FREM1: variants seen among roughly 807,000 people sequenced by gnomAD.
The protein encoded by FREM1 is FRAS1-related extracellular matrix protein 1.
Under a neutral mutation model 210.1 loss-of-function variants are expected in FREM1, and 220 were observed. The ratio of observed to expected loss-of-function variants is 1.05; its 90% confidence interval spans 0.94 to 1.17. FREM1 has a LOEUF of 1.17. Ranked by LOEUF, FREM1 falls within the 50% of genes most tolerant of loss-of-function variation. The pLI is 0.00. For missense variants in FREM1, 3,454 were observed against 2,675.5 expected (o/e 1.29, Z -6.42); for synonymous variants, 1,189 against 980.2 (o/e 1.21, Z -3.98).
At position 14,801,825 on chromosome 9, in the gene FREM1, A is replaced by G; in HGVS notation, c.3521T>C (p.Val1174Ala). ...GGCATCCTGGGGAATGTCCAGGTCC[A>G]CAGCGCTGATGATGGAAGAGTCCAG... ...KELDSSIISA[V>A]DLDIPQDALL... is the part of the protein sequence containing the mutation. The change falls in exon 20 of 37, where the codon GTG (valine) becomes GCG (alanine). Residue 1174 changes from valine to alanine, a missense_variant. Val to Ala is a moderately conservative substitution (Grantham distance 64). Transcript: ENST00000380880. The G allele has an allele frequency of 6.2e-7, 1 of 1,613,966 alleles. No individual in the cohort carries two copies. The highest frequency in any genetic ancestry group is 2.2e-5 in the East Asian group (1 of 44,882).
intron 35 of FREM1, among the ~76,000 whole-genome samples, chr9:14,743,163 C>T (rs1222848034): frequency 6.6e-6 from 1 of 152,022 alleles, no homozygotes; most frequent in African/African-American, 2.4e-5. Context: ...GTGCTTAAAA[C>T]CAAGCTGCAG....
chr9:14,799,364 G>A lies in FREM1; in HGVS notation c.3695-1722C>T, dbSNP rs141622554. 5.2e-3 allele frequency among the ~76,000 whole-genome samples: 798 copies of A among 152,126 alleles called. 4 individuals carry two copies. The highest frequency in any genetic ancestry group is 0.019 in the African/African-American group (771 of 41,504). Reference sequence around the variant, plus strand: ...TATAAACTTTGTATATTTGTTTGGGGGGATGTTTATGAGAATATGCTAAAG... The same window carrying A: ...TATAAACTTTGTATATTTGTTTGGGAGGATGTTTATGAGAATATGCTAAAG... On this transcript the variant is annotated intron_variant, in intron 20 of 36. Transcript: ENST00000380880.
chr9:14,833,438 G>T (rs1339159873), intron 10 of FREM1, among the ~76,000 whole-genome samples: 1 of 152,150 alleles, frequency 6.6e-6, no homozygotes, highest in African/African-American at 2.4e-5. Context: ...GAGCTTAGGG[G>T]CTAAAAATAA....
At chr9:14,773,605 A>AT (rs60938956) in intron 25 of FREM1, among the ~76,000 whole-genome samples, 84,745 of 143,478 alleles carry the variant, frequency 0.59, 24,955 homozygotes, top group East Asian at 0.7. Context: ...ACACGTAATG[A>AT]TTTTTTTTTT....
chr9:14,868,930 G>GAGC lies in FREM1; in HGVS notation c.45_47dup (p.Leu18dup), dbSNP rs1564127293. On this transcript the variant is annotated inframe_insertion, in exon 2 of 37. Coordinates refer to ENST00000380880, the MANE Select transcript of FREM1 (RefSeq NM_001379081.2). Reference sequence around the variant, plus strand: ...AGGTGGGGCTGGCCCAGGCCAGGAGGAGCAGCAGCAGCACGGCATTCGCAG... The same window carrying GAGC: ...AGGTGGGGCTGGCCCAGGCCAGGAGGAGCAGCAGCAGCAGCACGGCATTCGCAG... 10 of 1,602,272 alleles carry GAGC rather than the reference G, an allele frequency of 6.2e-6. No homozygotes were observed. The East Asian group carries it at 1.3e-4, about 22-fold the overall frequency.
intron 15 of FREM1, 92 bp from the exon 16 acceptor site, chr9:14,813,156 G>A: frequency 7.5e-7 from 1 of 1,325,502 alleles, no homozygotes; most frequent in East Asian, 2.4e-5. Flanking sequence ...AGAATGACAG[G>A]CATTTTCATC....
chr9:14,877,736 C>T (rs1834035736), intron 1 of FREM1, among the ~76,000 whole-genome samples: 1 of 152,106 alleles, frequency 6.6e-6, no homozygotes, highest in Non-Finnish European at 1.5e-5. Context: ...GTGGCTTCTT[C>T]CTAAGTCAAG....
intron 12 of FREM1, 56 bp downstream of exon 12, chr9:14,823,969 A>G (rs1488810471): frequency 1.9e-6 from 2 of 1,061,590 alleles, no homozygotes; most frequent in African/African-American, 3.2e-5. Context: ...GGCATGCCAT[A>G]CCTTCTAAGG....
At chr9:14,787,259 A>C (rs1850564357) in intron 23 of FREM1, among the ~76,000 whole-genome samples, 1 of 147,822 alleles carries the variant, frequency 6.8e-6, no homozygotes, top group South Asian at 2.3e-4. Flanking sequence ...ACTCATGTTA[A>C]GTAAAACAAA....
At chr9:14,844,523 C>T (rs1826254796) in intron 8 of FREM1, among the ~76,000 whole-genome samples, 2 of 152,168 alleles carry the variant, frequency 1.3e-5, no homozygotes. Context: ...CTGTGCCCGG[C>T]CAGAGACTTA....
intron 25 of FREM1, 81 bp from the exon 26 acceptor site, chr9:14,770,887 T>C: frequency 1.0e-6 from 1 of 957,260 alleles, no homozygotes; most frequent in Admixed American, 2.1e-5. Flanking sequence ...GGTTCAACAA[T>C]GACACACTGT....
At chr9:14,782,235 A>G in intron 24 of FREM1, 2 of 340,290 alleles carry the variant, frequency 5.9e-6, no homozygotes, top group Non-Finnish European at 8.3e-6. Context: ...AAATGTAGAA[A>G]TTCCTGGGAT....
chr9:14,884,200 G>C (rs1397285793), intron 1 of FREM1, among the ~76,000 whole-genome samples: 1 of 152,114 alleles, frequency 6.6e-6, no homozygotes, highest in Admixed American at 6.5e-5. Flanking sequence ...CTGCACTCCA[G>C]CCTGGGCGAC....
At chr9:14,777,058 T>G (rs892323677) in intron 24 of FREM1, among the ~76,000 whole-genome samples, 1 of 152,184 alleles carries the variant, frequency 6.6e-6, no homozygotes, top group Non-Finnish European at 1.5e-5. Context: ...CACCCACTAC[T>G]CTTGCAGAGT....
intron 24 of FREM1, among the ~76,000 whole-genome samples, chr9:14,780,431 C>CAAAAAAAAAAAAAAAAA (rs1346003658): frequency 4.1e-5 from 2 of 48,796 alleles, no homozygotes; most frequent in African/African-American, 7.4e-5. Context: ...GCCAGCTCCT[C>CAAAAAAAAAAAAAAAAA]AGAAAAAAAA....
intron 20 of FREM1, among the ~76,000 whole-genome samples, chr9:14,800,996 G>C (rs890177278): frequency 6.6e-6 from 1 of 152,052 alleles, no homozygotes; most frequent in African/African-American, 2.4e-5. Flanking sequence ...TTTGGTTTTT[G>C]TTTGTTTGTT....
At chr9:14,864,602 T>C (rs569473343) in intron 2 of FREM1, among the ~76,000 whole-genome samples, 6 of 152,314 alleles carry the variant, frequency 3.9e-5, no homozygotes, top group Middle Eastern at 6.8e-3. Flanking sequence ...TCAGAATTAT[T>C]AGGAGATTGT....
chr9:14,802,889 G>C (rs1303300348), intron 19 of FREM1, among the ~76,000 whole-genome samples: 1 of 152,106 alleles, frequency 6.6e-6, no homozygotes, highest in African/African-American at 2.4e-5. Flanking sequence ...AATCACAAAA[G>C]GGCAGAGATC....
intron 25 of FREM1, among the ~76,000 whole-genome samples, chr9:14,775,566 G>T (rs1176690076): frequency 1.3e-5 from 2 of 151,672 alleles, no homozygotes; most frequent in African/African-American, 4.8e-5. Context: ...AAGTTAGCTG[G>T]GCATGGTGGC....
Sources: allele counts gnomAD v4.1 joint callset (sites outside exome capture counted in the v4.1 genomes callset), GRCh38; gene constraint gnomAD v4.1.1; transcripts MANE v1.5; gene names NCBI Gene and HGNC (gene_info 2026-07-23, HGNC 2026-07-21).